Variants in BBS9 observed in about 807,000 individuals in gnomAD.
BBS9 encodes the protein Bardet-Biedl syndrome 9, also known as protein PTHB1.
Under a neutral mutation model 117.7 loss-of-function variants are expected in BBS9, and 89 were observed. The ratio of observed to expected loss-of-function variants is 0.76; its 90% CI spans 0.64 to 0.90. The LOEUF (loss-of-function observed/expected upper bound fraction) is 0.90, where lower values mean the gene tolerates loss of function less well. BBS9 is among the 40% of genes least tolerant of loss of function. The pLI is 0.00. For synonymous variants in BBS9, 379 were observed against 370.9 expected (o/e 1.02, Z -0.25); for missense variants, 982 against 1,042.2 (o/e 0.94, Z 0.80).
At chr7:33,169,339 C>T (rs1378553234) in intron 4 of BBS9, among the ~76,000 whole-genome samples, 2 of 151,116 alleles carry the variant, frequency 1.3e-5, no homozygotes, top group African/African-American at 4.9e-5. Context: ...AATGGGATGG[C>T]TGGGTCAAAT....
chr7:33,414,583 T>C (rs750457827), intron 19 of BBS9, among the ~76,000 whole-genome samples: 1 of 152,210 alleles, frequency 6.6e-6, no homozygotes, highest in Non-Finnish European at 1.5e-5. Context: ...TCCTATTTAT[T>C]CCTCTTAATT....
chr7:33,617,566 T>C (rs73314639), intron 21 of BBS9, among the ~76,000 whole-genome samples: 2,446 of 151,960 alleles, frequency 0.016, 61 homozygotes, highest in African/African-American at 0.053. Flanking sequence ...TGGAGCTTTA[T>C]TGAGTGCCTG....
At chr7:33,546,982 C>A (rs533836770) in intron 21 of BBS9, among the ~76,000 whole-genome samples, 42 of 152,316 alleles carry the variant, frequency 2.8e-4, no homozygotes, top group African/African-American at 8.9e-4. Context: ...CATGCAGACA[C>A]ACACACACAC....
chr7:33,332,443 C>T (rs1814292263), intron 9 of BBS9, among the ~76,000 whole-genome samples: 1 of 152,200 alleles, frequency 6.6e-6, no homozygotes, highest in South Asian at 2.1e-4. Flanking sequence ...CTTTGGGAGG[C>T]TGAGGCAGGT....
rs141789809 is a variant in BBS9 at position 33,154,187 on chromosome 7, A to G, written c.263+1336A>G. Reference sequence around the variant, plus strand: ...TTCCAAAGGTGATACTGATTATGTGATAGTCATGTATATTTGCATTTTCTA... The same window carrying G: ...TTCCAAAGGTGATACTGATTATGTGGTAGTCATGTATATTTGCATTTTCTA... On this transcript the variant is annotated intron_variant, in intron 3 of 22. Coordinates refer to ENST00000242067, the MANE Select transcript of BBS9 (RefSeq NM_198428.3). 5.8e-4 allele frequency among the ~76,000 whole-genome samples: 89 copies of G among 152,330 alleles called. 1 individual carries two copies. The East Asian group carries it at 0.016, about 27-fold the overall frequency.
chr7:33,611,806 C>A (rs1864891083), intron 21 of BBS9, among the ~76,000 whole-genome samples: 1 of 123,616 alleles, frequency 8.1e-6, no homozygotes, highest in East Asian at 2.2e-4. Flanking sequence ...ATATATTATA[C>A]CTTAAACCTT....
intron 7 of BBS9, among the ~76,000 whole-genome samples, chr7:33,267,358 A>T (rs1012210707): frequency 6.6e-6 from 1 of 152,112 alleles, no homozygotes; most frequent in Non-Finnish European, 1.5e-5. Flanking sequence ...TGCTTTTTAA[A>T]ATCAGTGTGA....
intron 19 of BBS9, among the ~76,000 whole-genome samples, chr7:33,477,322 C>T (rs1433263778): frequency 6.6e-6 from 1 of 152,102 alleles, no homozygotes; most frequent in Non-Finnish European, 1.5e-5. Context: ...AGAACTATAG[C>T]CCCTAAAAAT....
chr7:33,190,778 A>G (rs1783996156), intron 5 of BBS9, among the ~76,000 whole-genome samples: 1 of 152,142 alleles, frequency 6.6e-6, no homozygotes. Flanking sequence ...AATCATTGCC[A>G]CCAAAGGAAT....
At chr7:33,267,647 C>T (rs551189659) in intron 7 of BBS9, among the ~76,000 whole-genome samples, 12 of 152,158 alleles carry the variant, frequency 7.9e-5, no homozygotes, top group African/African-American at 2.9e-4. Flanking sequence ...TCCTACCTTC[C>T]AGTCTTTGTG....
chr7:33,285,958 C>A (rs1163738009), intron 9 of BBS9, among the ~76,000 whole-genome samples: 3 of 151,876 alleles, frequency 2.0e-5, no homozygotes, highest in Non-Finnish European at 2.9e-5. Context: ...TTCTTATAAA[C>A]AATATCATAG....
chr7:33,414,456 A>G (rs1161849432), intron 19 of BBS9, among the ~76,000 whole-genome samples: 4 of 152,184 alleles, frequency 2.6e-5, no homozygotes, highest in Non-Finnish European at 1.5e-5. Context: ...AAATAAACAC[A>G]AAAATGAAAA....
chr7:33,519,951 C>G (rs369508164), intron 20 of BBS9, among the ~76,000 whole-genome samples: 2 of 151,286 alleles, frequency 1.3e-5, no homozygotes, highest in African/African-American at 2.4e-5. Flanking sequence ...ATAGGGTAGT[C>G]GAGAGAATTA....
chr7:33,140,588 A>G (rs1174774936), intron 1 of BBS9, among the ~76,000 whole-genome samples: 1 of 152,172 alleles, frequency 6.6e-6, no homozygotes, highest in East Asian at 1.9e-4. Context: ...CTCATAGTCC[A>G]GTAATATGGC....
rs981775347 is a variant in BBS9 at position 33,553,695 on chromosome 7, CA to C, written c.2521+19522del. On this transcript the variant is annotated intron_variant, in intron 21 of 22. Transcript: ENST00000242067. ...ACAGTATTAGGAGCATCAATATTAA[CA>C]AATGTAGAGTTCTTAAAATGGGGAA... Among the ~76,000 whole-genome samples the C allele has an allele frequency of 1.1e-3, 161 of 152,186 alleles. 2 individuals are homozygous for C. The highest frequency in any genetic ancestry group is 3.7e-3 in the African/African-American group (153 of 41,532).
intron 1 of BBS9, among the ~76,000 whole-genome samples, chr7:33,140,569 A>G (rs1791296506): frequency 6.6e-6 from 1 of 152,178 alleles, no homozygotes; most frequent in South Asian, 2.1e-4. Flanking sequence ...TGAATGATGT[A>G]TCCTCATTCT....
At chr7:33,583,717 G>A (rs1251507764) in intron 21 of BBS9, among the ~76,000 whole-genome samples, 1 of 152,074 alleles carries the variant, frequency 6.6e-6, no homozygotes, top group Non-Finnish European at 1.5e-5. Flanking sequence ...AAGTGACCTG[G>A]AGAGGCCAAA....
intron 7 of BBS9, among the ~76,000 whole-genome samples, chr7:33,271,633 G>A (rs1177082769): frequency 6.6e-6 from 1 of 152,180 alleles, no homozygotes; most frequent in Admixed American, 6.5e-5. Context: ...TAATAGTAAA[G>A]GGTTCAATTC....
intron 21 of BBS9, among the ~76,000 whole-genome samples, chr7:33,590,325 G>A (rs779014747): frequency 3.3e-5 from 5 of 151,920 alleles, no homozygotes; most frequent in Non-Finnish European, 7.4e-5. Flanking sequence ...ATGAAAGTGG[G>A]GTCAAGAGAT....
Sources: gnomAD v4.1 joint callset for allele counts (sites outside exome capture counted in the v4.1 genomes callset) on GRCh38, gnomAD v4.1.1 for gene constraint, MANE v1.5 for transcripts, NCBI Gene and HGNC (gene_info 2026-07-23, HGNC 2026-07-21) for gene names.